MED23: variants seen among roughly 807,000 people sequenced by gnomAD.
MED23 encodes the protein mediator of RNA polymerase II transcription subunit 23.
In MED23, 105 loss-of-function variants were observed where a neutral mutation model predicts 163.9. That is an observed-to-expected ratio of 0.64 (90% confidence interval 0.55 to 0.75). MED23 has a LOEUF of 0.75. Among genes scored for constraint, MED23 ranks in the 30% least tolerant of loss-of-function variants. MED23 has a pLI of 0.00. For synonymous variants in MED23, 561 were observed against 565.6 expected (o/e 0.99, Z 0.12); for missense variants, 1,054 against 1,649.0 (o/e 0.64, Z 6.25).
At chr6:131,617,793 A>C (rs970844031) in intron 9 of MED23, among the ~76,000 whole-genome samples, 2 of 152,188 alleles carry the variant, frequency 1.3e-5, no homozygotes, top group Non-Finnish European at 2.9e-5. Flanking sequence ...GCAACAATTT[A>C]GAGGGACTGG....
intron 4 of MED23, among the ~76,000 whole-genome samples, chr6:131,624,292 C>G (rs747170613): frequency 9.2e-5 from 14 of 152,216 alleles, no homozygotes; most frequent in Non-Finnish European, 2.1e-4. Flanking sequence ...GATACAATTT[C>G]TGCCTAGCCC....
At chr6:131,585,268 T>A (rs1394945446), downstream of MED23, among the ~76,000 whole-genome samples, 1 of 152,110 alleles carries the variant, frequency 6.6e-6, no homozygotes, top group East Asian at 1.9e-4. Flanking sequence ...GAAGCAAAGT[T>A]TTTCTCCTCC....
chr6:131,575,680 T>C (rs1773579715), intron 30 of MED23, among the ~76,000 whole-genome samples: 1 of 152,324 alleles, frequency 6.6e-6, no homozygotes, highest in South Asian at 2.1e-4. Flanking sequence ...CAACATGTAA[T>C]AATCTTCTGC....
At chr6:131,574,362 C>T in intron 30 of MED23, 2 of 1,574,676 alleles carry the variant, frequency 1.3e-6, no homozygotes, top group Non-Finnish European at 1.7e-6. Flanking sequence ...TCAGTAAATA[C>T]TACTTTGCTT....
Position 131,616,012 on chromosome 6 carries a change from A to C in MED23, c.781-10T>G, listed in dbSNP as rs1776662945. 6.3e-7 allele frequency: 1 copy of C among 1,591,186 alleles called. No homozygotes were observed. Among genetic ancestry groups the C allele is most frequent in the Non-Finnish European group, 8.6e-7 (1 of 1,159,692 alleles). ...GTGGTTCAAACAGATCCTTTAAAGA[A>C]AATAAGAAAATCATTGCTTCAAGAT... On this transcript the variant is annotated splice_polypyrimidine_tract_variant and intron_variant, in intron 9 of 28. Coordinates refer to ENST00000368068, the MANE Select transcript of MED23 (RefSeq NM_004830.4).
chr6:131,620,802 TTA>T, intron 6 of MED23, 73 bp from the exon 7 acceptor site: 11 of 886,080 alleles, frequency 1.2e-5, no homozygotes, highest in East Asian at 1.1e-4. Context: ...TTTATTATCA[TTA>T]TTTTTTTTTT....
chr6:131,607,360 C>T (rs941130314), intron 12 of MED23, among the ~76,000 whole-genome samples: 9 of 151,962 alleles, frequency 5.9e-5, no homozygotes, highest in African/African-American at 2.2e-4. Context: ...GCCTGGCCAA[C>T]ACGGCGAAAC....
intron 12 of MED23, among the ~76,000 whole-genome samples, chr6:131,607,085 T>C (rs999271540): frequency 6.6e-6 from 1 of 151,920 alleles, no homozygotes; most frequent in African/African-American, 2.4e-5. Context: ...TATTGACTAT[T>C]AATGGGTAAA....
Position 131,594,209 on chromosome 6 carries a change from C to G in MED23, c.3122G>C (p.Gly1041Ala). 6.2e-7 allele frequency: 1 copy of G among 1,614,182 alleles called. No individual in the cohort carries two copies. Among genetic ancestry groups the G allele is most frequent in the Non-Finnish European group, 8.5e-7 (1 of 1,180,030 alleles). ...IGSLKDNRPQ[G>A]WCLSDTYLKC... ...CAGGTAAGTGTCACTTAGACACCAG[C>G]CCTGCGGTCGATTATCCTTCAGAGA... The change falls in exon 23 of 29, where the codon GGC becomes GCC. Residue 1041 changes from glycine to alanine, a missense_variant. Physicochemically the swap from Gly to Ala is moderately conservative, Grantham distance 60. Coordinates refer to ENST00000368068, the MANE Select transcript of MED23 (RefSeq NM_004830.4).
intron 9 of MED23, among the ~76,000 whole-genome samples, chr6:131,617,175 T>A (rs1418627149): frequency 2.0e-5 from 3 of 151,116 alleles, no homozygotes; most frequent in African/African-American, 7.3e-5. Context: ...TGATGCTAGA[T>A]GGTTTCTAAG....
downstream of MED23, chr6:131,583,177 T>G (rs1314273098): frequency 6.2e-7 from 1 of 1,609,942 alleles, no homozygotes. Flanking sequence ...AGGATTCTTT[T>G]GTGTGTGCAC....
At chr6:131,618,654 A>T in intron 8 of MED23, 135 bp from the exon 9 acceptor site, 1 of 660,560 alleles carries the variant, frequency 1.5e-6, no homozygotes, top group South Asian at 1.8e-5. Flanking sequence ...AAATGTTTCA[A>T]TGAGACTGAA....
At chr6:131,619,473 C>T (rs1040394668) in intron 8 of MED23, among the ~76,000 whole-genome samples, 1 of 152,220 alleles carries the variant, frequency 6.6e-6, no homozygotes, top group Admixed American at 6.5e-5. Flanking sequence ...GTGAGCCTGA[C>T]ACTTTCACGT....
chr6:131,624,762 T>C lies in MED23; in HGVS notation c.284+103A>G. ...AAAGGATTACTTGATAAACCTCACC[T>C]TCTTCTTCATTCTCTTACCTTTTTA... On this transcript the variant is annotated intron_variant, in intron 4 of 28. Transcript: ENST00000368068. 8.4e-6 allele frequency: 11 copies of C among 1,307,200 alleles called. No homozygotes were observed. In the South Asian group the frequency reaches 1.3e-4, roughly 16 times the overall value. 81.0% of individuals were successfully genotyped at this position (1,307,200 alleles called of 1,614,324 possible).
chr6:131,599,541 A>G (rs1449000815), intron 18 of MED23, among the ~76,000 whole-genome samples: 1 of 152,178 alleles, frequency 6.6e-6, no homozygotes, highest in African/African-American at 2.4e-5. Flanking sequence ...TTCAGGTACT[A>G]TGTTAATTTT....
intron 12 of MED23, 46 bp from the exon 13 acceptor site, chr6:131,606,670 G>A (rs781041434): frequency 3.4e-6 from 5 of 1,457,504 alleles, no homozygotes; most frequent in South Asian, 2.4e-5. Context: ...AGAAAGAGAA[G>A]AATTAAATAA....
downstream of MED23, among the ~76,000 whole-genome samples, chr6:131,585,748 G>GC (rs1385568105): frequency 6.6e-6 from 1 of 152,058 alleles, no homozygotes; most frequent in Non-Finnish European, 1.5e-5. Flanking sequence ...AAACATAAAG[G>GC]CATTTTTTTC....
rs764770439 is a variant in MED23, at chr6:131,579,293, T to C, written c.4096-4998A>G. The C allele has an allele frequency of 1.9e-6, 3 of 1,613,820 alleles. No homozygotes were observed. Among genetic ancestry groups the C allele is most frequent in the Admixed American group, 1.7e-5 (1 of 59,996 alleles). On this transcript the variant is annotated intron_variant, in intron 30 of 30. Transcript: ENST00000354577. ...GCTGGGCGGAGACCACAGGTCTTGT[T>C]GAATAACTGTGTCTATGGGAATCTG... is the stretch of plus-strand genomic sequence containing the variant.
chr6:131,616,045 A>C (rs746863917), intron 9 of MED23, 43 bp from the exon 10 acceptor site: 2 of 1,434,036 alleles, frequency 1.4e-6, no homozygotes, highest in Non-Finnish European at 2.0e-6. Flanking sequence ...GATCAATGTC[A>C]ACATTAATCC....
Sources: gnomAD v4.1 joint callset for allele counts (sites outside exome capture counted in the v4.1 genomes callset) on GRCh38, gnomAD v4.1.1 for gene constraint, MANE v1.5 for transcripts, NCBI Gene and HGNC (gene_info 2026-07-23, HGNC 2026-07-21) for gene names.